Variants in ATP8B4 observed in about 807,000 individuals in gnomAD.
ATP8B4 encodes ATPase phospholipid transporting 8B4 (putative).
In ATP8B4, 133 loss-of-function variants were observed where a neutral mutation model predicts 145.6. The ratio of observed to expected loss-of-function variants is 0.91; its 90% CI spans 0.79 to 1.05. The LOEUF (loss-of-function observed/expected upper bound fraction) is 1.05, where lower values mean the gene tolerates loss of function less well. Ranked by LOEUF, ATP8B4 falls within the 50% of genes least tolerant of loss-of-function variation. The probability of loss-of-function intolerance (pLI) is 0.00; values close to 1 mark genes in which losing one functional copy is unlikely to be tolerated. For synonymous variants in ATP8B4, 507 were observed against 492.9 expected (o/e 1.03, Z -0.38); for missense variants, 1,458 against 1,425.2 (o/e 1.02, Z -0.37).
rs111538857 is a variant in ATP8B4 at position 49,957,205 on chromosome 15, C to T, written c.1287+4772G>A. On this transcript the variant is annotated intron_variant, in intron 14 of 27. Coordinates refer to ENST00000284509, the MANE Select transcript of ATP8B4 (RefSeq NM_024837.4). ...AAAATATTAGGAAAATATGAGGAAA[C>T]GAAAGAGAAATAATAATCTCATCAT... Among the ~76,000 whole-genome samples, 64 of 151,762 alleles carry T rather than the reference C, an allele frequency of 4.2e-4. 1 individual carries two copies. The highest frequency in any genetic ancestry group is 1.1e-3 in the African/African-American group (44 of 41,410).
intron 3 of ATP8B4, among the ~76,000 whole-genome samples, chr15:50,058,794 T>C (rs904734200): frequency 2.0e-5 from 3 of 151,772 alleles, no homozygotes; most frequent in African/African-American, 7.3e-5. Context: ...CACAGCCAGG[T>C]TGGGGAGTAA....
chr15:50,067,392 C>T (rs1034145353), intron 3 of ATP8B4, among the ~76,000 whole-genome samples: 5 of 152,170 alleles, frequency 3.3e-5, no homozygotes, highest in Non-Finnish European at 7.4e-5. Context: ...ACTGTCACTT[C>T]TCTTAGCCTG....
intron 20 of ATP8B4, among the ~76,000 whole-genome samples, chr15:49,904,570 C>T (rs1479045316): frequency 6.6e-6 from 1 of 152,098 alleles, no homozygotes; most frequent in African/African-American, 2.4e-5. Flanking sequence ...GGAATTAGGA[C>T]CAAAATGCAT....
chr15:49,981,374 G>T, intron 10 of ATP8B4, 80 bp from the exon 11 acceptor site: 1 of 1,070,728 alleles, frequency 9.3e-7, no homozygotes, highest in Non-Finnish European at 1.3e-6. Context: ...AAATGTCTCT[G>T]AAAGAAAAAA....
intron 2 of ATP8B4, among the ~76,000 whole-genome samples, chr15:50,085,311 A>G (rs2054825563): frequency 6.6e-6 from 1 of 152,146 alleles, no homozygotes; most frequent in Non-Finnish European, 1.5e-5. Context: ...CAGGGGGCTG[A>G]GACCATCATC....
chr15:49,874,836 A>G (rs1285981119), intron 25 of ATP8B4, among the ~76,000 whole-genome samples: 2 of 152,172 alleles, frequency 1.3e-5, no homozygotes, highest in African/African-American at 4.8e-5. Context: ...AACTTGTGAG[A>G]AAGTAGAAAT....
chr15:50,094,443 A>G (rs1163512623), intron 2 of ATP8B4, among the ~76,000 whole-genome samples: 1 of 151,972 alleles, frequency 6.6e-6, no homozygotes, highest in East Asian at 1.9e-4. Context: ...ATCAATAATC[A>G]TATGAGGCAA....
At chr15:50,074,757 A>G (rs1042259087) in intron 2 of ATP8B4, among the ~76,000 whole-genome samples, 3 of 152,232 alleles carry the variant, frequency 2.0e-5, no homozygotes, top group Admixed American at 6.5e-5. Context: ...AAGCAAATGC[A>G]AACACCAGTA....
At chr15:50,126,867 C>T (rs1387191140) in intron 1 of ATP8B4, among the ~76,000 whole-genome samples, 1 of 150,880 alleles carries the variant, frequency 6.6e-6, no homozygotes, top group East Asian at 1.9e-4. Flanking sequence ...AGCCCCCACA[C>T]CCCCCCGCCA....
chr15:50,172,413 G>A (rs1262497464), intron 1 of ATP8B4, among the ~76,000 whole-genome samples: 1 of 152,232 alleles, frequency 6.6e-6, no homozygotes, highest in African/African-American at 2.4e-5. Flanking sequence ...GGAGGTGCCG[G>A]GATTGCAGAC....
intron 23 of ATP8B4, chr15:49,879,926 T>A (rs1251803996): frequency 6.6e-6 from 1 of 152,408 alleles, no homozygotes; most frequent in Non-Finnish European, 1.5e-5. Flanking sequence ...GAGAGGTTTT[T>A]GCGGGGGAGT....
chr15:50,044,604 G>A lies in ATP8B4; in HGVS notation c.290C>T (p.Thr97Ile). ...AGAGCAAATACTCACATAGTCATCT[G>A]TGGCATCTTTGACAGCTGTCATAGT... ...VITMTAVKDA[T>I]DDYFRHKSDN... The change falls in exon 5 of 28, where the codon ACA becomes ATA. Residue 97 changes from threonine to isoleucine, a missense_variant. Physicochemically the swap from Thr to Ile is moderately conservative, Grantham distance 89 (BLOSUM62 -1). Transcript: ENST00000284509. The A allele has an allele frequency of 6.2e-7, 1 of 1,608,900 alleles. No individual in the cohort carries two copies. The highest frequency in any genetic ancestry group is 1.3e-5 in the African/African-American group (1 of 74,932).
intron 26 of ATP8B4, among the ~76,000 whole-genome samples, chr15:49,866,116 T>C (rs1006640033): frequency 6.6e-6 from 1 of 152,196 alleles, no homozygotes; most frequent in Non-Finnish European, 1.5e-5. Flanking sequence ...ATGTAAGCTG[T>C]TGAGAACCTG....
intron 6 of ATP8B4, among the ~76,000 whole-genome samples, chr15:50,038,151 A>T (rs1041933160): frequency 2.0e-5 from 3 of 151,800 alleles, no homozygotes; most frequent in African/African-American, 7.3e-5. Flanking sequence ...GATGGAAAGA[A>T]GTTTTAAAAT....
chr15:50,121,291 G>A (rs1490836269), upstream of ATP8B4, among the ~76,000 whole-genome samples: 1 of 152,102 alleles, frequency 6.6e-6, no homozygotes, highest in Non-Finnish European at 1.5e-5. Flanking sequence ...AAGAATAGGT[G>A]AATTCACAGA....
intron 6 of ATP8B4, among the ~76,000 whole-genome samples, chr15:50,023,787 A>G (rs1405598745): frequency 2.0e-5 from 3 of 148,044 alleles, no homozygotes; most frequent in Non-Finnish European, 4.5e-5. Flanking sequence ...GGCAAAAAAA[A>G]AAAAAAAAAG....
intron 6 of ATP8B4, among the ~76,000 whole-genome samples, chr15:50,021,590 GC>G (rs1282749858): frequency 6.6e-6 from 1 of 152,110 alleles, no homozygotes; most frequent in Non-Finnish European, 1.5e-5. Flanking sequence ...TCTTCAAGGG[GC>G]CTTCTCTGGT....
At chr15:49,860,546 A>G (rs2031472859) in intron 27 of ATP8B4, 71 bp from the exon 28 acceptor site, 1 of 1,465,690 alleles carries the variant, frequency 6.8e-7, no homozygotes, top group African/African-American at 1.4e-5. Flanking sequence ...CCCACTTTGT[A>G]AAGTGAAAGC....
intron 1 of ATP8B4, among the ~76,000 whole-genome samples, chr15:50,175,251 C>CA (rs2044745277): frequency 6.6e-6 from 1 of 152,054 alleles, no homozygotes; most frequent in South Asian, 2.1e-4. Flanking sequence ...ATTTCATGAA[C>CA]AAAAACCCAA....
Sources: allele counts gnomAD v4.1 joint callset (sites outside exome capture counted in the v4.1 genomes callset), GRCh38; gene constraint gnomAD v4.1.1; transcripts MANE v1.5; gene names NCBI Gene and HGNC (gene_info 2026-07-23, HGNC 2026-07-21).